Variants in ZFTA observed in about 807,000 individuals in gnomAD.
ZFTA encodes the protein zinc finger translocation associated, also known as zinc finger translocation-associated protein.
Under a neutral mutation model 41.8 loss-of-function variants are expected in ZFTA, and 35 were observed. The observed-to-expected ratio is 0.84, with a 90% CI of 0.64 to 1.11. The LOEUF is 1.11. ZFTA is among the 50% of genes most tolerant of loss of function. ZFTA has a pLI of 0.00. For missense variants in ZFTA, 964 were observed against 989.8 expected (o/e 0.97, Z 0.35); for synonymous variants, 514 against 436.4 (o/e 1.18, Z -2.22).
chr11:63,763,704 C>T lies in ZFTA; in HGVS notation c.1751G>A (p.Arg584Gln). The T allele has an allele frequency of 6.6e-7, 1 of 1,521,212 alleles. No homozygotes were observed. Among genetic ancestry groups the T allele is most frequent in the Non-Finnish European group, 8.8e-7 (1 of 1,130,158 alleles). 94.2% of individuals were successfully genotyped at this position (1,521,212 alleles called of 1,614,324 possible). The change falls in exon 5 of 5, where the codon CGG (arginine) becomes CAG (glutamine). Residue 584 changes from arginine to glutamine, a missense_variant. By Grantham distance (43) the Arg-to-Gln change is conservative. Around this residue, in one of 5 missense-constraint regions of ZFTA, gnomAD observed 63 missense variants for 97.8 expected, o/e 0.64. Coordinates refer to ENST00000433688, the MANE Select transcript of ZFTA (RefSeq NM_001144936.2). ...SREQRRNYQP[R>Q]WRGEYLMDYD... The stretch of plus-strand genomic sequence containing the variant: ...GTCCATCAGGTACTCGCCCCGCCAC[C>T]GCGGCTGGTAGTTCCGCCGCTGCTC...
In ZFTA at chr11:63,763,320, C is replaced by T; in HGVS notation, c.*98G>A. 3 of 944,646 alleles carry T rather than the reference C, an allele frequency of 3.2e-6. No homozygotes were observed. Among genetic ancestry groups the T allele is most frequent in the Non-Finnish European group, 4.0e-6 (3 of 757,658 alleles). 58.5% of individuals were successfully genotyped at this position (944,646 alleles called of 1,614,324 possible). On this transcript the variant is annotated 3_prime_UTR_variant, in exon 5 of 5. Coordinates refer to ENST00000433688, the MANE Select transcript of ZFTA (RefSeq NM_001144936.2). ...GCGCGGCCGCGGGAAGCGCTAACAC[C>T]GGACGCGAGGGTCTCCCAGCCGAAG... is the stretch of plus-strand genomic sequence containing the variant.
Position 63,768,595 on chromosome 11 carries a change from G to C in ZFTA, c.28C>G (p.Arg10Gly), listed in dbSNP as rs1352053047. Reference protein sequence around the residue: MEPGGDHRSRSSGGRGGPGP... With the variant: MEPGGDHRSGSSGGRGGPGP... ...GGGCCGCCCCTGCCGCCGCTGCTCC[G>C]GCTCCGGTGGTCCCCGCCGGGCTCC... The change falls in exon 1 of 5, where the codon CGG becomes GGG. Residue 10 changes from arginine to glycine, a missense_variant. Arg to Gly is a moderately radical substitution (Grantham distance 125). Coordinates refer to ENST00000433688, the MANE Select transcript of ZFTA (RefSeq NM_001144936.2). 1.4e-5 allele frequency: 14 copies of C among 1,030,640 alleles called. No homozygotes were observed. The highest frequency in any genetic ancestry group is 9.2e-4 in the Middle Eastern group (2 of 2,184). The allele number at this position is 1,030,640 out of a possible 1,614,324, so 63.8% of individuals were successfully genotyped here.
chr11:63,763,909 G>A lies in ZFTA; in HGVS notation c.1586-40C>T, dbSNP rs373286923. 782 of 1,396,486 alleles carry A rather than the reference G, an allele frequency of 5.6e-4. 9 individuals carry two copies. The South Asian group carries it at 0.011, about 20-fold the overall frequency. 86.5% of individuals were successfully genotyped at this position (1,396,486 alleles called of 1,614,324 possible). ...AGGACCGCATTGGCGACGGCGGGGG[G>A]CAGCGGGCTGGGCCCCGCGTCTCAT... is the stretch of plus-strand genomic sequence containing the variant. On this transcript the variant is annotated intron_variant, in intron 4 of 4. Transcript: ENST00000433688.
intron 4 of ZFTA, 25 bp downstream of exon 4, chr11:63,764,013 C>T (rs571924031): frequency 3.6e-5 from 47 of 1,313,180 alleles, no homozygotes; most frequent in Middle Eastern, 5.5e-4. Context: ...TCTCCCTCTC[C>T]GCCTGCTCTG....
chr11:63,764,507 TG>T lies in ZFTA; in HGVS notation c.1115del (p.Pro372GlnfsTer3), dbSNP rs1401151033. On this transcript the variant is annotated frameshift_variant, in exon 4 of 5. Transcript: ENST00000433688. LOFTEE classifies it high-confidence loss of function. ...GAPSSQDLSP[P>X]DVKEEAGWVP... ...CCCAGCCAGCCTCTTCCTTTACGTCTGGGGGGCTGAGATCCTGAGAGGAGGG... is the reference window on the plus strand; with the variant it reads ...CCCAGCCAGCCTCTTCCTTTACGTCTGGGGGCTGAGATCCTGAGAGGAGGG... 1.6e-6 allele frequency: 2 copies of T among 1,257,154 alleles called. No individual in the cohort carries two copies. 77.9% of individuals were successfully genotyped at this position (1,257,154 alleles called of 1,614,324 possible).
At position 63,765,952 on chromosome 11, in the gene ZFTA, G is replaced by C. The variant is rs574395377; in HGVS notation, c.492C>G (p.Ser164Arg). Residue 164 changes from serine (S) to arginine (R), a missense_variant, in exon 2 of 5, where the codon AGC becomes AGG. Ser to Arg is a moderately radical substitution (Grantham distance 110, BLOSUM62 -1). Coordinates refer to ENST00000433688, the MANE Select transcript of ZFTA (RefSeq NM_001144936.2). This position sits in a 1 kb window ranked among gnomAD's most constrained non-coding sequence, Gnocchi z 4.0. ...GCCCCAGGTGTGCATCCCAGCTGTTGCTGATGACTTCCTTCTCCCGGGGAC... is the reference window on the plus strand; with the variant it reads ...GCCCCAGGTGTGCATCCCAGCTGTTCCTGATGACTTCCTTCTCCCGGGGAC... ...HWSPREKEVI[S>R]NSWDAHLGLG... The C allele has an allele frequency of 3.1e-5, 48 of 1,551,750 alleles. No individual in the cohort carries two copies. The East Asian group carries it at 9.0e-4, about 29-fold the overall frequency.
rs113710885 is a variant in ZFTA, at chr11:63,762,995, G to GGCCAGA, written c.*417_*422dup. 0.12 allele frequency: 18,153 copies of GGCCAGA among 152,142 alleles called. 1,146 individuals carry two copies. Among genetic ancestry groups the GGCCAGA allele is most frequent in the South Asian group, 0.16 (776 of 4,832 alleles). 9.4% of individuals were successfully genotyped at this position (152,142 alleles called of 1,614,324 possible). A position where few individuals can be genotyped will look rare whatever the true frequency, so the allele number is the denominator to read the frequency against. On this transcript the variant is annotated 3_prime_UTR_variant, in exon 5 of 5. Coordinates refer to ENST00000433688, the MANE Select transcript of ZFTA (RefSeq NM_001144936.2). Reference sequence around the variant, plus strand: ...TGCAGGGAACTGGGCCCCCAGCCAGGGCCAGAGCCAGAGCCCGCACGGCCC... The same window carrying GGCCAGA: ...TGCAGGGAACTGGGCCCCCAGCCAGGGCCAGAGCCAGAGCCAGAGCCCGCACGGCCC...
chr11:63,765,366 C>T lies in ZFTA; in HGVS notation c.638-112G>A, dbSNP rs1365740801. 17 of 1,188,702 alleles carry T rather than the reference C, an allele frequency of 1.4e-5. No individual in the cohort carries two copies. The highest frequency in any genetic ancestry group is 1.0e-4 in the Admixed American group (3 of 28,938). The allele number at this position is 1,188,702 out of a possible 1,614,324, so 73.6% of individuals were successfully genotyped here. A position where few individuals can be genotyped will look rare whatever the true frequency, so the allele number is the denominator to read the frequency against. On this transcript the variant is annotated intron_variant, in intron 2 of 4. Transcript: ENST00000433688. The surrounding 1 kb of genome is among the most constrained non-coding windows in gnomAD (Gnocchi z 4.0). The stretch of plus-strand genomic sequence containing the variant: ...ACTTGGGCCCCAGGCCTAACCTTTG[C>T]CCTTCTCTTCCTCTCTCCTGAAATC...
In ZFTA at chr11:63,765,025, G is replaced by A. The variant is rs745860046; in HGVS notation, c.867C>T (p.Gly289=). The A allele has an allele frequency of 1.3e-6, 2 of 1,548,952 alleles. No individual in the cohort carries two copies. Among genetic ancestry groups the A allele is most frequent in the South Asian group, 1.2e-5 (1 of 84,002 alleles). The change falls in exon 3 of 5, where the codon GGC becomes GGT. Residue 289 remains glycine (G), a synonymous_variant. Transcript: ENST00000433688. This position sits in a 1 kb window ranked among gnomAD's most constrained non-coding sequence, Gnocchi z 4.0. Reference sequence around the variant, plus strand: ...CCAGGTGCAGGCTGGGCAGTGCCCGGCCACAGGCCATGCACACCAGCCGGT... The same window carrying A: ...CCAGGTGCAGGCTGGGCAGTGCCCGACCACAGGCCATGCACACCAGCCGGT... ...RGNRLVCMAC[G]RALPSLHLDD...
chr11:63,763,565 G>A lies in ZFTA; in HGVS notation c.1890C>T (p.Asp630=). ...HILQVHPFSM[D]FTPEERQTIL... is the part of the protein sequence containing the mutation. ...TAGTCTGGCGCTCCTCAGGCGTGAA[G>A]TCCATGGAGAAGGGGTGCACCTGCA... is the stretch of plus-strand genomic sequence containing the variant. The change falls in exon 5 of 5, where the codon GAC becomes GAT. Residue 630 remains aspartate, a synonymous_variant. Transcript: ENST00000433688. 4 of 1,548,242 alleles carry A rather than the reference G, an allele frequency of 2.6e-6. No homozygotes were observed. The highest frequency in any genetic ancestry group is 2.0e-5 in the Admixed American group (1 of 50,890).
Position 63,763,770 on chromosome 11 carries a change from G to A in ZFTA, c.1685C>T (p.Pro562Leu), listed in dbSNP as rs2014693038. Residue 562 changes from proline to leucine, a missense_variant, in exon 5 of 5, where the codon CCG (proline) becomes CTG (leucine). Pro to Leu is a moderately conservative substitution (Grantham distance 98). Transcript: ENST00000433688. Reference protein sequence around the residue: ...GQEPGGLALPPPPPPPPPPPP... With the variant: ...GQEPGGLALPLPPPPPPPPPP... ...GGGCGGAGGCGGGGGAGGAGGCGGCGGCGGCAAGGCGAGTCCCCCAGGCTC... is the reference window on the plus strand; with the variant it reads ...GGGCGGAGGCGGGGGAGGAGGCGGCAGCGGCAAGGCGAGTCCCCCAGGCTC... 4 of 1,460,434 alleles carry A rather than the reference G, an allele frequency of 2.7e-6. No homozygotes were observed. The highest frequency in any genetic ancestry group is 3.6e-6 in the Non-Finnish European group (4 of 1,108,210). 90.5% of individuals were successfully genotyped at this position (1,460,434 alleles called of 1,614,324 possible). A position where few individuals can be genotyped will look rare whatever the true frequency, so the allele number is the denominator to read the frequency against.
At position 63,764,433 on chromosome 11, in the gene ZFTA, C is replaced by CCCTCCTCCAGCT; in HGVS notation, c.1178_1189dup (p.Glu393_Glu396dup). ...CGGGACCCCCGCCCTCTCGCCCTCG[C>CCCTCCTCCAGCT]CCTCCTCCAGCTCCTCCTCCTCCTC... On this transcript the variant is annotated inframe_insertion, in exon 4 of 5. Transcript: ENST00000433688. The CCCTCCTCCAGCT allele has an allele frequency of 7.9e-7, 1 of 1,267,244 alleles. No individual in the cohort carries two copies. The highest frequency in any genetic ancestry group is 9.9e-7 in the Non-Finnish European group (1 of 1,006,472). The allele number at this position is 1,267,244 out of a possible 1,614,324, so 78.5% of individuals were successfully genotyped here.
At position 63,765,862 on chromosome 11, in the gene ZFTA, TTCC is replaced by T. The variant is rs750330160; in HGVS notation, c.579_581del (p.Glu200del). 0.024 allele frequency: 27,994 copies of T among 1,183,316 alleles called. No individual in the cohort carries two copies. Among genetic ancestry groups the T allele is most frequent in the South Asian group, 0.079 (4,199 of 53,064 alleles). The allele number at this position is 1,183,316 out of a possible 1,614,324, so 73.3% of individuals were successfully genotyped here. A position where few individuals can be genotyped will look rare whatever the true frequency, so the allele number is the denominator to read the frequency against. ...CGGCCCCCTCCTCCTCCTCCTCTTC[TTCC>T]TCCTCCTCCTCCTCCTCAGCCCCCT... On this transcript the variant is annotated inframe_deletion, in exon 2 of 5. Transcript: ENST00000433688. The surrounding 1 kb of genome is among the most constrained non-coding windows in gnomAD (Gnocchi z 4.0).
chr11:63,766,768 C>T (rs552455739), intron 1 of ZFTA, among the ~76,000 whole-genome samples: 1 of 152,292 alleles, frequency 6.6e-6, no homozygotes, highest in Admixed American at 6.5e-5. Context: ...GCCAGGAGGG[C>T]CCCACCCACA....
chr11:63,764,687 C>G, intron 3 of ZFTA, 89 bp from the exon 4 acceptor site: 1 of 1,327,512 alleles, frequency 7.5e-7, no homozygotes, highest in South Asian at 2.3e-5. Context: ...GCTCCTCACC[C>G]CAGCCCCAAG....
chr11:63,764,363 C>T lies in ZFTA; in HGVS notation c.1260G>A (p.Glu420=), dbSNP rs1381854733. 1.5e-5 allele frequency: 20 copies of T among 1,315,858 alleles called. No homozygotes were observed. Among genetic ancestry groups the T allele is most frequent in the East Asian group, 3.4e-5 (1 of 29,846 alleles). 81.5% of individuals were successfully genotyped at this position (1,315,858 alleles called of 1,614,324 possible). The part of the protein sequence containing the change: ...RGRAHRRHPQ[E]RWRLEYLMEL... ...CCATGAGGTACTCCAGCCGCCAGCG[C>T]TCCTGGGGGTGGCGGCGGTGGGCGC... is the stretch of plus-strand genomic sequence containing the variant. The change falls in exon 4 of 5, where the codon GAG becomes GAA. Residue 420 remains glutamate (E), a synonymous_variant. Transcript: ENST00000433688.
At chr11:63,767,603 G>A (rs1417829139) in intron 1 of ZFTA, 4 of 152,244 alleles carry the variant, frequency 2.6e-5, no homozygotes, top group African/African-American at 4.8e-5. Context: ...AGGAGCCGAG[G>A]TTCTTTAAAA....
chr11:63,764,850 C>T lies in ZFTA; in HGVS notation c.1024+18G>A. 1 of 1,458,554 alleles carries T rather than the reference C, an allele frequency of 6.9e-7. No homozygotes were observed. The highest frequency in any genetic ancestry group is 9.0e-7 in the Non-Finnish European group (1 of 1,108,712). The allele number at this position is 1,458,554 out of a possible 1,614,324, so 90.4% of individuals were successfully genotyped here. ...AGCCCCAGTATGAGGGGGTCTCAGC[C>T]TGGGATGGGCCTCGCACCTGGTGGG... On this transcript the variant is annotated intron_variant, in intron 3 of 4. Transcript: ENST00000433688.
At position 63,763,627 on chromosome 11, in the gene ZFTA, C is replaced by T. The variant is rs1336134041; in HGVS notation, c.1828G>A (p.Ala610Thr). Residue 610 changes from alanine to threonine, a missense_variant, in exon 5 of 5, where the codon GCC becomes ACC. Coordinates refer to ENST00000433688, the MANE Select transcript of ZFTA (RefSeq NM_001144936.2). ...LVCMVCGGAL[A>T]TLKVSTIKRH... Reference sequence around the variant, plus strand: ...TTGATGGTGCTCACCTTGAGCGTGGCCAGCGCGCCCCCGCACACCATACAC... The same window carrying T: ...TTGATGGTGCTCACCTTGAGCGTGGTCAGCGCGCCCCCGCACACCATACAC... 1.2e-5 allele frequency: 19 copies of T among 1,548,344 alleles called. No homozygotes were observed. Among genetic ancestry groups the T allele is most frequent in the Non-Finnish European group, 1.7e-5 (19 of 1,145,514 alleles).
Sources: gnomAD v4.1 joint callset for allele counts (sites outside exome capture counted in the v4.1 genomes callset) on GRCh38, gnomAD v4.1.1 for gene constraint, gnomAD v4.1.1 regional missense constraint, Gnocchi (gnomAD v3.1) non-coding constraint, MANE v1.5 for transcripts, NCBI Gene and HGNC (gene_info 2026-07-23, HGNC 2026-07-21) for gene names.